Variants in ATG16L2 observed in about 807,000 individuals in gnomAD.
ATG16L2 encodes the protein autophagy related 16 like 2.
In ATG16L2, 77 loss-of-function variants were observed where a neutral mutation model predicts 84.7. The ratio of observed to expected loss-of-function variants is 0.91; its 90% CI spans 0.76 to 1.10. The LOEUF is 1.10. Ranked by LOEUF, ATG16L2 falls within the 50% of genes least tolerant of loss-of-function variation. The pLI is 0.00. For missense variants in ATG16L2, 782 were observed against 817.6 expected, an observed-to-expected ratio of 0.96 and a Z score of 0.53; for synonymous variants, 361 against 342.8, an observed-to-expected ratio of 1.05 and a Z score of -0.59.
At chr11:72,829,041 C>G (rs910900429) in intron 17 of ATG16L2, 57 bp downstream of exon 17, 1 of 1,550,348 alleles carries the variant, frequency 6.5e-7, no homozygotes, top group Non-Finnish European at 8.9e-7. Context: ...AGGCTGATTC[C>G]AGGTTCTGAC....
In ATG16L2 at chr11:72,826,840, G is replaced by A. The variant is rs146786729; in HGVS notation, c.1366+17G>A. 47 of 1,611,148 alleles carry A rather than the reference G, an allele frequency of 2.9e-5. No homozygotes were observed. The African/African-American group carries it at 5.7e-4, about 20-fold the overall frequency. On this transcript the variant is annotated intron_variant, in intron 13 of 17. Transcript: ENST00000321297. ...GTGCCTATTGTGAGCCCGAGCCCCA[G>A]CCCCACCTCTCCTCCCCACCAGCCA...
chr11:72,823,915 T>G, intron 7 of ATG16L2, 145 bp from the exon 8 acceptor site: 5 of 909,740 alleles, frequency 5.5e-6, no homozygotes, highest in Non-Finnish European at 9.3e-6. Flanking sequence ...CACCCTGGTC[T>G]CCTGATCTTG....
intron 11 of ATG16L2, 87 bp downstream of exon 11, chr11:72,826,330 A>C: frequency 6.7e-7 from 1 of 1,483,584 alleles, no homozygotes; most frequent in Non-Finnish European, 9.3e-7. Context: ...CTGAGGGCGC[A>C]ACATGGATAC....
chr11:72,820,924 ATAT>A (rs764260536), intron 3 of ATG16L2, among the ~76,000 whole-genome samples: 75 of 152,244 alleles, frequency 4.9e-4, no homozygotes, highest in South Asian at 1.0e-3. Context: ...CGCTGTTCCC[ATAT>A]TGAGTCTGGG....
intron 17 of ATG16L2, 124 bp downstream of exon 17, chr11:72,829,108 C>A: frequency 8.8e-7 from 1 of 1,134,222 alleles, no homozygotes; most frequent in Non-Finnish European, 1.3e-6. Flanking sequence ...CCGACCAGAG[C>A]CCTTTGCAGT....
At chr11:72,827,374 G>A in intron 14 of ATG16L2, 81 bp downstream of exon 14, 1 of 1,218,312 alleles carries the variant, frequency 8.2e-7, no homozygotes, top group Admixed American at 1.8e-5. Context: ...TCTGGCCATG[G>A]CAGGAGGAGT....
At chr11:72,820,742 G>GGCCAGGGCCAGAGGC (rs1859944025) in intron 3 of ATG16L2, among the ~76,000 whole-genome samples, 1 of 152,096 alleles carries the variant, frequency 6.6e-6, no homozygotes, top group Non-Finnish European at 1.5e-5. Context: ...CCCCAGCCTT[G>GGCCAGGGCCAGAGGC]GCCTGGGCCA....
downstream of ATG16L2, among the ~76,000 whole-genome samples, chr11:72,833,220 AGAG>A (rs200478307): frequency 7.9e-3 from 1,206 of 152,312 alleles, 18 homozygotes; most frequent in African/African-American, 0.027. Flanking sequence ...TGAATTGAAT[AGAG>A]GTGGTTTCTG....
chr11:72,829,246 C>T (rs1860538740), intron 17 of ATG16L2, 57 bp from the exon 18 acceptor site: 2 of 1,578,530 alleles, frequency 1.3e-6, no homozygotes, highest in Non-Finnish European at 1.7e-6. Flanking sequence ...GGGGCAGAGC[C>T]AGGTTGCAGG....
In ATG16L2 at chr11:72,824,099, G is replaced by A. The variant is rs1321422643; in HGVS notation, c.864G>A (p.Val288=). Residue 288 remains valine, a synonymous_variant, in exon 8 of 18, where the codon GTG becomes GTA. Transcript: ENST00000321297. ...CCTCCCTGACGCTGTCCCACTGTGT[G>A]GATGTGGTGAAGGGGCTTCTGGAGT... ...SATSLTLSHC[V]DVVKGLLDFK... 2.5e-6 allele frequency: 4 copies of A among 1,614,220 alleles called. No individual in the cohort carries two copies. Among genetic ancestry groups the A allele is most frequent in the Non-Finnish European group, 3.4e-6 (4 of 1,180,030 alleles).
intron 3 of ATG16L2, among the ~76,000 whole-genome samples, chr11:72,819,960 T>A (rs1859895573): frequency 6.6e-6 from 1 of 152,132 alleles, no homozygotes; most frequent in Non-Finnish European, 1.5e-5. Context: ...TTAGCTAGGA[T>A]GGTTTTGATC....
chr11:72,822,337 C>T lies in ATG16L2; in HGVS notation c.644+42C>T, dbSNP rs1860053487. 1 of 1,538,108 alleles carries T rather than the reference C, an allele frequency of 6.5e-7. No individual in the cohort carries two copies. Among genetic ancestry groups the T allele is most frequent in the South Asian group, 1.2e-5 (1 of 84,178 alleles). On this transcript the variant is annotated intron_variant, in intron 5 of 17. Transcript: ENST00000321297. This position sits in a 1 kb window ranked among gnomAD's most constrained non-coding sequence, Gnocchi z 4.2. ...CGCCCCTCCTGAGGAAAGGCCCCGC[C>T]CCTGCAGGGAGGAGTCGGGCCTCGC...
chr11:72,840,899 G>C, intron 5 of ATG16L2: 1 of 1,612,704 alleles, frequency 6.2e-7, no homozygotes, highest in Non-Finnish European at 8.5e-7. Flanking sequence ...GCCATATGAG[G>C]TCTCAGGAGT....
At chr11:72,829,872 C>A (rs998127604), downstream of ATG16L2, among the ~76,000 whole-genome samples, 2 of 152,112 alleles carry the variant, frequency 1.3e-5, no homozygotes, top group African/African-American at 4.8e-5. Context: ...GTCCTGAGGC[C>A]AAAGCAACAT....
intron 5 of ATG16L2, among the ~76,000 whole-genome samples, chr11:72,835,442 G>A (rs1018481238): frequency 7.0e-6 from 1 of 143,688 alleles, no homozygotes; most frequent in Middle Eastern, 3.6e-3. Flanking sequence ...GTGAGGAGAG[G>A]TGGTGGTGAG....
At chr11:72,838,031 G>A (rs780230005) in intron 5 of ATG16L2, 7 of 152,168 alleles carry the variant, frequency 4.6e-5, no homozygotes, top group Non-Finnish European at 7.4e-5. Flanking sequence ...TTTCAGATCC[G>A]GAAGTTCCAT....
chr11:72,819,174 C>T (rs1859841986), intron 3 of ATG16L2, among the ~76,000 whole-genome samples: 1 of 152,112 alleles, frequency 6.6e-6, no homozygotes, highest in African/African-American at 2.4e-5. Context: ...CTGTGACTGC[C>T]CCCCAGTCGT....
Position 72,829,488 on chromosome 11 carries a change from G to A in ATG16L2, c.*98G>A. The A allele has an allele frequency of 1.8e-5, 26 of 1,477,296 alleles. No individual in the cohort carries two copies. The highest frequency in any genetic ancestry group is 2.2e-5 in the Non-Finnish European group (25 of 1,113,230). The allele number at this position is 1,477,296 out of a possible 1,614,324, so 91.5% of individuals were successfully genotyped here. A position where few individuals can be genotyped will look rare whatever the true frequency, so the allele number is the denominator to read the frequency against. Reference sequence around the variant, plus strand: ...TGGGGTTGGGACTGGAGCTGGCCTTGGGATTTAATGGGGAAGAAGGCCTGG... The same window carrying A: ...TGGGGTTGGGACTGGAGCTGGCCTTAGGATTTAATGGGGAAGAAGGCCTGG... On this transcript the variant is annotated 3_prime_UTR_variant, in exon 18 of 18. Transcript: ENST00000321297.
chr11:72,835,141 A>G (rs1860697113), intron 5 of ATG16L2, among the ~76,000 whole-genome samples: 1 of 152,242 alleles, frequency 6.6e-6, no homozygotes, highest in South Asian at 2.1e-4. Flanking sequence ...TGAGGCAGTT[A>G]GCTGAGCTTT....
Sources: gnomAD v4.1 joint callset for allele counts (sites outside exome capture counted in the v4.1 genomes callset) on GRCh38, gnomAD v4.1.1 for gene constraint, Gnocchi (gnomAD v3.1) non-coding constraint, MANE v1.5 for transcripts, NCBI Gene and HGNC (gene_info 2026-07-23, HGNC 2026-07-21) for gene names.